Variants in PLEKHA7 observed in about 807,000 individuals in gnomAD.
The protein encoded by PLEKHA7 is pleckstrin homology domain containing A7.
A neutral mutation model predicts 170.0 loss-of-function variants in PLEKHA7; 104 were observed. That is an observed-to-expected ratio of 0.61 (90% CI 0.52 to 0.72). The LOEUF (loss-of-function observed/expected upper bound fraction) is 0.72. Ranked by LOEUF, PLEKHA7 falls within the 30% of genes least tolerant of loss-of-function variation. The pLI is 0.00. For synonymous variants in PLEKHA7, 648 were observed against 660.8 expected (o/e 0.98, Z 0.30); for missense variants, 1,615 against 1,671.7 (o/e 0.97, Z 0.59).
chr11:16,887,676 G>A (rs1168124996), intron 3 of PLEKHA7, among the ~76,000 whole-genome samples: 1 of 152,196 alleles, frequency 6.6e-6, no homozygotes, highest in Non-Finnish European at 1.5e-5. Flanking sequence ...AATTGCAGAC[G>A]GAGTCTCGTT....
intron 18 of PLEKHA7, 39 bp downstream of exon 18, chr11:16,794,871 C>T (rs1848110804): frequency 1.3e-6 from 2 of 1,554,478 alleles, no homozygotes; most frequent in Admixed American, 1.7e-5. Context: ...ACCCTGCCCC[C>T]AATCAGATCC....
chr11:16,810,120 C>T (rs1285466224), intron 13 of PLEKHA7, among the ~76,000 whole-genome samples: 1 of 152,216 alleles, frequency 6.6e-6, no homozygotes, highest in East Asian at 1.9e-4. Context: ...TGTGGCTGAG[C>T]CCCGGGAATG....
At chr11:16,989,142 T>C (rs1647893865) in intron 3 of PLEKHA7, among the ~76,000 whole-genome samples, 1 of 152,214 alleles carries the variant, frequency 6.6e-6, no homozygotes, top group African/African-American at 2.4e-5. Flanking sequence ...CTTCCATTAA[T>C]GCAGCTTAAA....
rs374847763 is a variant in PLEKHA7, at chr11:16,851,200, A to T, written c.687T>A (p.Tyr229Ter). The change falls in exon 8 of 27, where the codon TAT becomes TAA. Residue 229 changes from tyrosine to a stop codon, truncating the protein, a stop_gained. Transcript: ENST00000531066. LOFTEE classifies it high-confidence loss of function. Reference sequence around the variant, plus strand: ...GGTGCAGGGGCAGTACCTTAAAGGAATATTTGCGGCTTATGCGATCCTCAG... The same window carrying T: ...GGTGCAGGGGCAGTACCTTAAAGGATTATTTGCGGCTTATGCGATCCTCAG... ...VAPEDRISRK[Y>*]SFKAVHTGMR... The T allele has an allele frequency of 1.2e-6, 2 of 1,607,164 alleles. No individual in the cohort carries two copies. Among genetic ancestry groups the T allele is most frequent in the Non-Finnish European group, 8.5e-7 (1 of 1,176,484 alleles).
At chr11:17,001,188 G>A (rs1437119030) in intron 3 of PLEKHA7, among the ~76,000 whole-genome samples, 2 of 152,182 alleles carry the variant, frequency 1.3e-5, no homozygotes, top group Non-Finnish European at 2.9e-5. Flanking sequence ...TTCCTCTCCT[G>A]TCTTGGACTG....
chr11:16,780,176 C>T (rs12577688), intron 26 of PLEKHA7, among the ~76,000 whole-genome samples: 11,432 of 152,276 alleles, frequency 0.075, 582 homozygotes, highest in Non-Finnish European at 0.1. Flanking sequence ...TGACCTTCCC[C>T]TGTCCAGGTG....
intron 3 of PLEKHA7, among the ~76,000 whole-genome samples, chr11:16,975,812 T>C (rs60553604): frequency 0.044 from 6,663 of 152,328 alleles, 364 homozygotes; most frequent in African/African-American, 0.12. Context: ...ACAGTGAATA[T>C]AAGTAACTTT....
chr11:16,845,809 T>TGA (rs2135336333), intron 8 of PLEKHA7, among the ~76,000 whole-genome samples: 1 of 151,160 alleles, frequency 6.6e-6, no homozygotes, highest in Admixed American at 6.6e-5. Flanking sequence ...GGAGCACAGG[T>TGA]GAGAGAGAGA....
intron 3 of PLEKHA7, among the ~76,000 whole-genome samples, chr11:16,927,591 T>C (rs1859654206): frequency 6.6e-6 from 1 of 152,182 alleles, no homozygotes; most frequent in South Asian, 2.1e-4. Flanking sequence ...AAAAAAGGCA[T>C]GCTATGCAAG....
intron 3 of PLEKHA7, among the ~76,000 whole-genome samples, chr11:16,884,616 C>G (rs1188036876): frequency 1.3e-5 from 2 of 150,800 alleles, no homozygotes; most frequent in Non-Finnish European, 3.0e-5. Context: ...GCCTGGACAA[C>G]AGAGTGAGAC....
chr11:16,924,799 T>C (rs1388176761), intron 3 of PLEKHA7, among the ~76,000 whole-genome samples: 1 of 152,202 alleles, frequency 6.6e-6, no homozygotes, highest in African/African-American at 2.4e-5. Context: ...ATTTCCTCTC[T>C]CCAGCTTAGA....
At chr11:16,838,518 A>C (rs1251907189) in intron 9 of PLEKHA7, among the ~76,000 whole-genome samples, 6 of 150,962 alleles carry the variant, frequency 4.0e-5, no homozygotes, top group Non-Finnish European at 8.9e-5. Flanking sequence ...GTGTCTTAAA[A>C]AAAAAAAAAA....
intron 3 of PLEKHA7, among the ~76,000 whole-genome samples, chr11:16,978,548 G>T (rs1326022911): frequency 6.6e-6 from 1 of 152,228 alleles, no homozygotes; most frequent in Non-Finnish European, 1.5e-5. Context: ...TGATGTACAT[G>T]TGTATCTTGC....
intron 3 of PLEKHA7, among the ~76,000 whole-genome samples, chr11:17,005,597 A>T (rs1864939552): frequency 6.6e-6 from 1 of 152,072 alleles, no homozygotes; most frequent in Non-Finnish European, 1.5e-5. Context: ...AGAAACCTAC[A>T]CCCACCCTCA....
chr11:16,783,408 G>A (rs557324293), intron 25 of PLEKHA7, among the ~76,000 whole-genome samples: 14 of 152,352 alleles, frequency 9.2e-5, no homozygotes, highest in South Asian at 4.1e-4. Flanking sequence ...TCACGGCCAC[G>A]CTTGGCTCCA....
chr11:16,790,213 C>A, intron 21 of PLEKHA7: 1 of 318,046 alleles, frequency 3.1e-6, no homozygotes, highest in East Asian at 7.3e-5. Context: ...TTCTTAGGCA[C>A]CCTGCACAAC....
At chr11:16,857,794 C>G (rs1358207976) in intron 4 of PLEKHA7, among the ~76,000 whole-genome samples, 1 of 152,276 alleles carries the variant, frequency 6.6e-6, no homozygotes, top group African/African-American at 2.4e-5. Flanking sequence ...TCTCAGTTCA[C>G]TGCAACTTCC....
intron 23 of PLEKHA7, chr11:16,787,455 T>C (rs1261426701): frequency 2.0e-5 from 3 of 152,842 alleles, no homozygotes; most frequent in African/African-American, 7.2e-5. Flanking sequence ...TTTCCAACTA[T>C]TGTTGGAAAG....
rs996562342 is a variant in PLEKHA7 at position 16,791,934 on chromosome 11, C to G, written c.2746-735G>C. On this transcript the variant is annotated intron_variant, in intron 19 of 26. Coordinates refer to ENST00000531066, the MANE Select transcript of PLEKHA7 (RefSeq NM_001329630.2). This position sits in a 1 kb window ranked among gnomAD's most constrained non-coding sequence, Gnocchi z 4.5. ...CCCCTGGTTGCCATGAACACCCACT[C>G]GCAGGACTAACGACCATCATGCCTT... Among the ~76,000 whole-genome samples the G allele has an allele frequency of 6.6e-6, 1 of 152,180 alleles. No homozygotes were observed. Among genetic ancestry groups the G allele is most frequent in the Non-Finnish European group, 1.5e-5 (1 of 68,044 alleles).
Sources: gnomAD v4.1 joint callset for allele counts (sites outside exome capture counted in the v4.1 genomes callset) on GRCh38, gnomAD v4.1.1 for gene constraint, Gnocchi (gnomAD v3.1) non-coding constraint, MANE v1.5 for transcripts, NCBI Gene and HGNC (gene_info 2026-07-23, HGNC 2026-07-21) for gene names.